KDM4C: variants seen among roughly 807,000 people sequenced by gnomAD.
KDM4C encodes lysine demethylase 4C.
Under a neutral mutation model 129.3 loss-of-function variants are expected in KDM4C, and 81 were observed. That is an observed-to-expected ratio of 0.63 (90% CI 0.52 to 0.75). The LOEUF (loss-of-function observed/expected upper bound fraction) is 0.75. Among genes scored for constraint, KDM4C ranks in the 30% least tolerant of loss-of-function variants. The probability of loss-of-function intolerance (pLI) is 0.00; values close to 1 mark genes in which losing one functional copy is unlikely to be tolerated. For synonymous variants in KDM4C, 573 were observed against 456.1 expected (o/e 1.26, Z -3.26); for missense variants, 1,457 against 1,304.0 (o/e 1.12, Z -1.81).
intron 17 of KDM4C, among the ~76,000 whole-genome samples, chr9:7,073,570 A>G (rs1220480847): frequency 6.6e-6 from 1 of 152,222 alleles, no homozygotes; most frequent in Non-Finnish European, 1.5e-5. Context: ...AGTATTTTCC[A>G]AGAAAACGAT....
At chr9:6,960,758 G>A (rs565599812) in intron 8 of KDM4C, among the ~76,000 whole-genome samples, 1 of 152,124 alleles carries the variant, frequency 6.6e-6, no homozygotes, top group African/African-American at 2.4e-5. Context: ...AAGTTGCTTA[G>A]ACCCAGTGCA....
chr9:6,840,689 A>G (rs1448578633), intron 4 of KDM4C, among the ~76,000 whole-genome samples: 2 of 152,210 alleles, frequency 1.3e-5, no homozygotes, highest in Non-Finnish European at 2.9e-5. Context: ...GAGCCACCGC[A>G]TCCAGCCCTC....
chr9:7,162,883 C>T (rs145052018), intron 19 of KDM4C, among the ~76,000 whole-genome samples: 373 of 152,182 alleles, frequency 2.5e-3, no homozygotes, highest in South Asian at 0.016. Context: ...TAGCATGTCT[C>T]GCCCTGCCTG....
At chr9:6,774,860 G>A (rs1481366717) in intron 1 of KDM4C, among the ~76,000 whole-genome samples, 1 of 152,068 alleles carries the variant, frequency 6.6e-6, no homozygotes, top group Non-Finnish European at 1.5e-5. Context: ...TGGCAACCAT[G>A]TCCTGATTTT....
At chr9:7,045,578 G>T (rs1422658765) in intron 15 of KDM4C, among the ~76,000 whole-genome samples, 1 of 151,948 alleles carries the variant, frequency 6.6e-6, no homozygotes, top group Non-Finnish European at 1.5e-5. Flanking sequence ...TATTCCAAAG[G>T]CCTCTAGGAT....
At chr9:6,852,347 C>T (rs1329518396) in intron 5 of KDM4C, among the ~76,000 whole-genome samples, 1 of 152,152 alleles carries the variant, frequency 6.6e-6, no homozygotes, top group African/African-American at 2.4e-5. Context: ...CTTTATTATG[C>T]ACTAGTGCAT....
rs1329338058 is a variant in KDM4C at position 7,013,953 on chromosome 9, A to G, written c.2134A>G (p.Thr712Ala). Residue 712 changes from threonine (T) to alanine (A), a missense_variant, in exon 14 of 22, where the codon ACA (threonine) becomes GCA (alanine). Coordinates refer to ENST00000381309, the MANE Select transcript of KDM4C (RefSeq NM_015061.6). The stretch of plus-strand genomic sequence containing the variant: ...CAATGCCTTCCTTGAAGAGGATGGA[A>G]CAAGTCTCCTTATTTCCTGTGCAAA... ...PPNAFLEEDG[T>A]SLLISCAKCC... 6.2e-6 allele frequency: 10 copies of G among 1,613,908 alleles called. No homozygotes were observed. The South Asian group carries it at 7.7e-5, about 12-fold the overall frequency.
At chr9:6,986,088 T>C (rs1310887267) in intron 10 of KDM4C, among the ~76,000 whole-genome samples, 2 of 152,260 alleles carry the variant, frequency 1.3e-5, no homozygotes, top group Non-Finnish European at 2.9e-5. Context: ...GTTCTGTCAC[T>C]ACATGGTTCT....
At chr9:6,992,732 C>A (rs1485529025) in intron 12 of KDM4C, among the ~76,000 whole-genome samples, 1 of 152,178 alleles carries the variant, frequency 6.6e-6, no homozygotes, top group Non-Finnish European at 1.5e-5. Context: ...ATTCCAAATC[C>A]AACTCCTTTG....
chr9:6,737,623 C>A (rs1456836630), intron 1 of KDM4C, among the ~76,000 whole-genome samples: 1 of 130,802 alleles, frequency 7.6e-6, no homozygotes, highest in African/African-American at 3.0e-5. Flanking sequence ...GGGATCACAC[C>A]ATTGCATTCC....
At chr9:7,029,132 C>T (rs1015026078) in intron 15 of KDM4C, among the ~76,000 whole-genome samples, 1 of 152,138 alleles carries the variant, frequency 6.6e-6, no homozygotes, top group Non-Finnish European at 1.5e-5. Context: ...TGCCCTGTCT[C>T]CAAAATCCTC....
intron 7 of KDM4C, among the ~76,000 whole-genome samples, chr9:6,892,400 TA>T (rs762066402): frequency 5.3e-5 from 8 of 151,086 alleles, no homozygotes; most frequent in South Asian, 2.1e-4. Context: ...TTGGTGATTG[TA>T]AAAAAAAAGT....
intron 1 of KDM4C, among the ~76,000 whole-genome samples, chr9:6,769,717 G>A (rs1821359641): frequency 6.6e-6 from 1 of 152,212 alleles, no homozygotes; most frequent in Admixed American, 6.5e-5. Flanking sequence ...AGGAGTTTGT[G>A]TAGATGGACA....
At chr9:7,134,360 T>G (rs538304478) in intron 19 of KDM4C, among the ~76,000 whole-genome samples, 5 of 152,350 alleles carry the variant, frequency 3.3e-5, no homozygotes, top group Admixed American at 1.3e-4. Flanking sequence ...CAAATTTTAT[T>G]TATAAATCTA....
At chr9:6,835,620 C>G (rs1406608174) in intron 4 of KDM4C, 2 of 834,748 alleles carry the variant, frequency 2.4e-6, no homozygotes, top group Admixed American at 1.7e-5. Context: ...CTTGACAAAA[C>G]CTGACTTGTG....
chr9:6,831,906 C>A (rs1375563207), intron 4 of KDM4C, among the ~76,000 whole-genome samples: 1 of 152,164 alleles, frequency 6.6e-6, no homozygotes, highest in Non-Finnish European at 1.5e-5. Context: ...CTATATTGCT[C>A]TTTCAATTAA....
chr9:6,919,529 A>ATCTG lies in KDM4C; in HGVS notation c.921+26313_921+26316dup, dbSNP rs61205193. Among the ~76,000 whole-genome samples the ATCTG allele has an allele frequency of 3.7e-3, 522 of 142,968 alleles. 2 individuals are homozygous for ATCTG. Among genetic ancestry groups the ATCTG allele is most frequent in the Middle Eastern group, 0.01 (3 of 292 alleles). The allele number at this position is 142,968 out of a possible 152,430, so 93.8% of individuals were successfully genotyped here. On this transcript the variant is annotated intron_variant, in intron 8 of 21. Coordinates refer to ENST00000381309, the MANE Select transcript of KDM4C (RefSeq NM_015061.6). The stretch of plus-strand genomic sequence containing the variant: ...TGCCTATATTTCATCTTTCAATTTC[A>ATCTG]TCTGTCTGTCTGTCTGTCTATCTAT...
At chr9:6,974,315 T>G (rs950877610) in intron 8 of KDM4C, among the ~76,000 whole-genome samples, 1 of 152,226 alleles carries the variant, frequency 6.6e-6, no homozygotes, top group Non-Finnish European at 1.5e-5. Flanking sequence ...AAGGATTATA[T>G]ATAACGTTAT....
chr9:7,099,725 G>T (rs555471809), intron 17 of KDM4C, among the ~76,000 whole-genome samples: 2 of 152,240 alleles, frequency 1.3e-5, no homozygotes, highest in Admixed American at 1.3e-4. Context: ...ATCCTGGGGC[G>T]GAAGAGAGCC....
Sources: allele counts gnomAD v4.1 joint callset (sites outside exome capture counted in the v4.1 genomes callset), GRCh38; gene constraint gnomAD v4.1.1; transcripts MANE v1.5; gene names NCBI Gene and HGNC (gene_info 2026-07-23, HGNC 2026-07-21).